The following CENPP variants were observed in gnomAD, a reference collection of about 807,000 sequenced individuals.
CENPP encodes the protein centromere protein P.
A neutral mutation model predicts 35.6 loss-of-function variants in CENPP; 24 were observed. The ratio of observed to expected loss-of-function variants is 0.67; its 90% confidence interval spans 0.49 to 0.95. The LOEUF (loss-of-function observed/expected upper bound fraction) is 0.95. Ranked by LOEUF, CENPP falls within the 40% of genes least tolerant of loss-of-function variation. The pLI is 0.00. For synonymous variants in CENPP, 120 were observed against 125.5 expected (o/e 0.96, Z 0.29); for missense variants, 332 against 345.3 (o/e 0.96, Z 0.31).
intron 5 of CENPP, among the ~76,000 whole-genome samples, chr9:92,549,744 A>G (rs541774066): frequency 6.6e-5 from 10 of 152,318 alleles, no homozygotes; most frequent in African/African-American, 2.4e-4. Context: ...CATTTTATCA[A>G]TAGCATCTGT....
At position 92,616,361 on chromosome 9, in the gene CENPP, T is replaced by G. The variant is rs1206284055; in HGVS notation, c.*3212T>G. The G allele has an allele frequency of 3.6e-6, 1 of 281,304 alleles. No homozygotes were observed. Among genetic ancestry groups the G allele is most frequent in the Non-Finnish European group, 6.7e-6 (1 of 148,268 alleles). 17.4% of individuals were successfully genotyped at this position (281,304 alleles called of 1,614,324 possible). Reference sequence around the variant, plus strand: ...CCCACCATACCAGGCGAGAGAGGGTTAAAGGACTGAAAGATGGAAAAGTAA... The same window carrying G: ...CCCACCATACCAGGCGAGAGAGGGTGAAAGGACTGAAAGATGGAAAAGTAA... On this transcript the variant is annotated 3_prime_UTR_variant, in exon 8 of 8. Transcript: ENST00000375587.
At position 92,345,774 on chromosome 9, in the gene CENPP, G is replaced by A; in HGVS notation, c.454G>A (p.Glu152Lys). ...MEPTECSELS[E>K]FVSRAEERKD... ...GCCCACAGAATGCTCAGAATTAAGT[G>A]AATTTGTGTCTAGGTAAGCTATTTT... is the stretch of plus-strand genomic sequence containing the variant. The change falls in exon 4 of 8, where the codon GAA becomes AAA. Residue 152 changes from glutamate (E) to lysine (K), a missense_variant. Physicochemically the swap from Glu to Lys is moderately conservative, Grantham distance 56. Coordinates refer to ENST00000375587, the MANE Select transcript of CENPP (RefSeq NM_001012267.3). 3.8e-6 allele frequency: 6 copies of A among 1,596,400 alleles called. No individual in the cohort carries two copies. The highest frequency in any genetic ancestry group is 5.1e-6 in the Non-Finnish European group (6 of 1,165,450).
chr9:92,531,364 A>G (rs888489759), intron 5 of CENPP, among the ~76,000 whole-genome samples: 1 of 152,186 alleles, frequency 6.6e-6, no homozygotes, highest in African/African-American at 2.4e-5. Flanking sequence ...CAATACAAGA[A>G]CCAGGATGAA....
At chr9:92,544,777 G>A (rs548839084) in intron 5 of CENPP, among the ~76,000 whole-genome samples, 84 of 148,880 alleles carry the variant, frequency 5.6e-4, no homozygotes, top group African/African-American at 2.1e-3. Context: ...GTGCAGTGGC[G>A]CGATCTCAGC....
chr9:92,361,017 A>T (rs961006846), intron 4 of CENPP, among the ~76,000 whole-genome samples: 1 of 151,740 alleles, frequency 6.6e-6, no homozygotes. Context: ...ATATTTATCT[A>T]GATTTTTAAT....
chr9:92,387,493 C>G (rs746328183), intron 5 of CENPP, among the ~76,000 whole-genome samples: 1 of 152,084 alleles, frequency 6.6e-6, no homozygotes, highest in Non-Finnish European at 1.5e-5. Flanking sequence ...TCTTCATGAT[C>G]AGTAACCCAT....
chr9:92,612,547 G>A lies in CENPP; in HGVS notation c.669G>A (p.Arg223=), dbSNP rs1419581020. The A allele has an allele frequency of 6.2e-7, 1 of 1,613,808 alleles. No individual in the cohort carries two copies. The highest frequency in any genetic ancestry group is 1.3e-5 in the African/African-American group (1 of 74,900). Residue 223 remains arginine, a synonymous_variant, in exon 7 of 8, where the codon AGG becomes AGA. Transcript: ENST00000375587. ...GGTTTGAATTAGTCATTGTTTGGAG[G>A]ATACAAATAGATGAAGATGGGAAGG... is the stretch of plus-strand genomic sequence containing the variant. ...RPGFELVIVW[R]IQIDEDGKVF...
intron 5 of CENPP, among the ~76,000 whole-genome samples, chr9:92,430,901 T>G (rs1187917984): frequency 6.6e-6 from 1 of 152,060 alleles, no homozygotes; most frequent in Non-Finnish European, 1.5e-5. Context: ...GTTCAAGTAA[T>G]TCTCCTGCCT....
intron 3 of CENPP, among the ~76,000 whole-genome samples, chr9:92,345,067 C>T (rs1298987831): frequency 1.3e-5 from 2 of 151,186 alleles, no homozygotes; most frequent in Admixed American, 1.3e-4. Flanking sequence ...CTGGCTAACA[C>T]GGTGAAACCC....
At chr9:92,337,305 C>T (rs1364588411) in intron 2 of CENPP, among the ~76,000 whole-genome samples, 3 of 150,360 alleles carry the variant, frequency 2.0e-5, no homozygotes, top group Non-Finnish European at 3.0e-5. Flanking sequence ...GCAACAAGAG[C>T]GAAACTCCTT....
chr9:92,576,199 A>T (rs1850278871), intron 5 of CENPP, among the ~76,000 whole-genome samples: 1 of 152,260 alleles, frequency 6.6e-6, no homozygotes. Context: ...GATATGTGCT[A>T]CAAAATGGAT....
At chr9:92,343,661 TTAAGC>T (rs1841189347) in intron 3 of CENPP, among the ~76,000 whole-genome samples, 2 of 152,294 alleles carry the variant, frequency 1.3e-5, no homozygotes, top group East Asian at 3.9e-4. Flanking sequence ...TTTTACAAAG[TTAAGC>T]TGGCCACATT....
chr9:92,451,458 C>T (rs1473570022), intron 5 of CENPP, among the ~76,000 whole-genome samples: 1 of 149,362 alleles, frequency 6.7e-6, no homozygotes, highest in East Asian at 2.0e-4. Context: ...TGATCTATAT[C>T]TCTGTTTTGG....
intron 5 of CENPP, among the ~76,000 whole-genome samples, chr9:92,395,275 T>A (rs2130910203): frequency 2.0e-5 from 3 of 152,342 alleles, no homozygotes; most frequent in Non-Finnish European, 4.4e-5. Flanking sequence ...GAGAATTTTA[T>A]ATTAAAAGAA....
intron 5 of CENPP, chr9:92,516,907 A>C (rs1016581264): frequency 1.3e-5 from 2 of 152,254 alleles, no homozygotes; most frequent in African/African-American, 4.8e-5. Flanking sequence ...GCATGGGAGC[A>C]ATCTACCTTG....
intron 5 of CENPP, among the ~76,000 whole-genome samples, chr9:92,609,915 T>A (rs973314326): frequency 5.3e-5 from 8 of 152,120 alleles, no homozygotes; most frequent in Non-Finnish European, 1.2e-4. Flanking sequence ...TAATTTTTTT[T>A]AGTAGAGACG....
At chr9:92,352,775 G>C (rs2130817780) in intron 4 of CENPP, among the ~76,000 whole-genome samples, 1 of 151,728 alleles carries the variant, frequency 6.6e-6, no homozygotes, top group Non-Finnish European at 1.5e-5. Flanking sequence ...CAGCTGATTA[G>C]ATAGTGCCCA....
At chr9:92,553,680 G>A (rs888099866) in intron 5 of CENPP, among the ~76,000 whole-genome samples, 6 of 152,052 alleles carry the variant, frequency 3.9e-5, no homozygotes, top group Admixed American at 3.3e-4. Flanking sequence ...TGCAGTTATT[G>A]TAAAAGGGAT....
intron 5 of CENPP, among the ~76,000 whole-genome samples, chr9:92,492,778 C>T (rs1846209421): frequency 6.6e-6 from 1 of 152,166 alleles, no homozygotes; most frequent in Non-Finnish European, 1.5e-5. Context: ...GCCTCAGAGT[C>T]AGAAGATGCA....
Sources: allele counts gnomAD v4.1 joint callset (sites outside exome capture counted in the v4.1 genomes callset), GRCh38; gene constraint gnomAD v4.1.1; transcripts MANE v1.5; gene names NCBI Gene and HGNC (gene_info 2026-07-23, HGNC 2026-07-21).